The following EIF4E variants were observed in gnomAD, a reference collection of about 807,000 sequenced individuals.
The protein encoded by EIF4E is eukaryotic translation initiation factor 4E, also known as eIF-4F 25 kDa subunit.
For synonymous variants in EIF4E, 71 were observed against 88.5 expected, an observed-to-expected ratio of 0.80 and a Z score of 1.11; for missense variants, 113 against 265.6, an observed-to-expected ratio of 0.43 and a Z score of 3.99.
rs771410305 is a variant in EIF4E, at chr4:98,929,084, G to A, written c.18+11C>T. 12 of 1,583,744 alleles carry A rather than the reference G, an allele frequency of 7.6e-6. No homozygotes were observed. The highest frequency in any genetic ancestry group is 9.4e-6 in the Non-Finnish European group (11 of 1,164,690). ...GGACCCGTGGGGGTGGGGGCCAAAG[G>A]CAATACTCACCGGTTCGACAGTCGC... On this transcript the variant is annotated intron_variant, in intron 1 of 6. Coordinates refer to ENST00000450253, the MANE Select transcript of EIF4E (RefSeq NM_001968.5).
At chr4:98,911,802 A>C (rs1361657332) in intron 1 of EIF4E, among the ~76,000 whole-genome samples, 1 of 151,508 alleles carries the variant, frequency 6.6e-6, no homozygotes, top group African/African-American at 2.4e-5. Context: ...ATATAGCTTA[A>C]GCCAACATCA....
intron 1 of EIF4E, among the ~76,000 whole-genome samples, chr4:98,904,088 G>C (rs1287018160): frequency 6.6e-6 from 1 of 152,022 alleles, no homozygotes; most frequent in Non-Finnish European, 1.5e-5. Flanking sequence ...TCCTAAACTG[G>C]CACTTTCAGA....
intron 1 of EIF4E, among the ~76,000 whole-genome samples, chr4:98,906,249 C>T (rs1487821429): frequency 6.6e-6 from 1 of 152,098 alleles, no homozygotes; most frequent in Admixed American, 6.6e-5. Flanking sequence ...CACCCAACAC[C>T]TTATTTGAAG....
At chr4:98,904,382 A>C (rs539468680) in intron 1 of EIF4E, among the ~76,000 whole-genome samples, 2 of 152,358 alleles carry the variant, frequency 1.3e-5, no homozygotes, top group South Asian at 4.1e-4. Flanking sequence ...ATCACTCAGG[A>C]AAAACATATT....
At chr4:98,908,379 T>C (rs1724969969) in intron 1 of EIF4E, among the ~76,000 whole-genome samples, 1 of 152,212 alleles carries the variant, frequency 6.6e-6, no homozygotes, top group African/African-American at 2.4e-5. Context: ...AACAACATGA[T>C]TGGTGACTCA....
chr4:98,881,124 C>T lies in EIF4E; in HGVS notation c.558G>A (p.Arg186=), dbSNP rs144779880. ...TCACTATCTTTGGAGGAAGTCCTAACCTTTCCTTGTATACCCTCCTAGAAG... is the reference window on the plus strand; with the variant it reads ...TCACTATCTTTGGAGGAAGTCCTAATCTTTCCTTGTATACCCTCCTAGAAG... The part of the protein sequence containing the change: ...VTHIGRVYKE[R]LGLPPKIVIG... Residue 186 remains arginine (R), a synonymous_variant, in exon 7 of 7, where the codon AGG becomes AGA. Transcript: ENST00000450253. 200 of 1,612,084 alleles carry T rather than the reference C, an allele frequency of 1.2e-4. No homozygotes were observed. The African/African-American group carries it at 2.6e-3, about 21-fold the overall frequency.
intron 2 of EIF4E, among the ~76,000 whole-genome samples, chr4:98,900,493 A>G (rs1724601026): frequency 6.6e-6 from 1 of 152,178 alleles, no homozygotes; most frequent in African/African-American, 2.4e-5. Context: ...AAATTTTAAT[A>G]AATGAAACAA....
intron 2 of EIF4E, among the ~76,000 whole-genome samples, chr4:98,894,522 T>A (rs1724283779): frequency 6.6e-6 from 1 of 152,238 alleles, no homozygotes; most frequent in Non-Finnish European, 1.5e-5. Flanking sequence ...TCCTTATACC[T>A]TATAACTGAC....
chr4:98,912,253 GAA>G (rs1033820669), intron 1 of EIF4E, among the ~76,000 whole-genome samples: 1 of 128,764 alleles, frequency 7.8e-6, no homozygotes. Context: ...ACTCCGTCTC[GAA>G]AAAAAAAAAG....
intron 1 of EIF4E, among the ~76,000 whole-genome samples, chr4:98,926,891 T>C (rs181952234): frequency 5.7e-4 from 87 of 152,374 alleles, no homozygotes; most frequent in Non-Finnish European, 9.3e-4. Context: ...AGTTCCGCTC[T>C]GTGCTGCTGA....
chr4:98,894,520 C>A (rs1436845757), intron 2 of EIF4E, among the ~76,000 whole-genome samples: 2 of 152,182 alleles, frequency 1.3e-5, no homozygotes, highest in Admixed American at 6.5e-5. Flanking sequence ...TTTCCTTATA[C>A]CTTATAACTG....
At chr4:98,891,716 G>T (rs1364027677) in intron 2 of EIF4E, 2 of 185,158 alleles carry the variant, frequency 1.1e-5, no homozygotes, top group African/African-American at 2.4e-5. Context: ...AAGAGTTCTG[G>T]AGATTAGTTG....
At chr4:98,886,515 A>T (rs1247718020) in intron 5 of EIF4E, 1 of 436,374 alleles carries the variant, frequency 2.3e-6, no homozygotes, top group East Asian at 7.2e-5. Context: ...GAAGTTTGAG[A>T]CCAACCTGGG....
chr4:98,899,918 A>G (rs1386506447), intron 2 of EIF4E, among the ~76,000 whole-genome samples: 1 of 152,054 alleles, frequency 6.6e-6, no homozygotes, highest in Non-Finnish European at 1.5e-5. Flanking sequence ...TCCAAATGAT[A>G]CTTGCTATTT....
chr4:98,880,788 G>A lies in EIF4E; in HGVS notation c.*240C>T, dbSNP rs1457869967. ...GGCCAGGAACACATTTATGGATTCT[G>A]GGGATGTGTACTGTAATTCTTTGAT... On this transcript the variant is annotated 3_prime_UTR_variant, in exon 7 of 7. Coordinates refer to ENST00000450253, the MANE Select transcript of EIF4E (RefSeq NM_001968.5). 5.8e-6 allele frequency: 3 copies of A among 520,596 alleles called. No homozygotes were observed. In the African/African-American group the frequency reaches 5.9e-5, roughly 10 times the overall value. The allele number at this position is 520,596 out of a possible 1,614,324, so 32.2% of individuals were successfully genotyped here. A position where few individuals can be genotyped will look rare whatever the true frequency, so the allele number is the denominator to read the frequency against.
intron 1 of EIF4E, among the ~76,000 whole-genome samples, chr4:98,912,665 G>A (rs561336429): frequency 3.3e-5 from 5 of 151,956 alleles, no homozygotes; most frequent in Non-Finnish European, 5.9e-5. Flanking sequence ...CACTAAAATG[G>A]CATTACAACC....
chr4:98,881,903 A>T (rs1579144633), intron 6 of EIF4E, among the ~76,000 whole-genome samples: 1 of 152,254 alleles, frequency 6.6e-6, no homozygotes, highest in Non-Finnish European at 1.5e-5. Context: ...TTCTAATCTC[A>T]TCTACAACAT....
chr4:98,885,402 C>T (rs1156941705), intron 5 of EIF4E, among the ~76,000 whole-genome samples: 1 of 151,992 alleles, frequency 6.6e-6, no homozygotes, highest in Non-Finnish European at 1.5e-5. Context: ...TGGTTAATCT[C>T]CTCTTGTTCT....
intron 1 of EIF4E, among the ~76,000 whole-genome samples, chr4:98,920,184 T>C (rs1725582930): frequency 2.6e-5 from 4 of 152,246 alleles, no homozygotes; most frequent in Admixed American, 2.6e-4. Context: ...GAACTTAGCC[T>C]GTGCCAGATA....
Sources: gnomAD v4.1 joint callset for allele counts (sites outside exome capture counted in the v4.1 genomes callset) on GRCh38, gnomAD v4.1.1 for gene constraint, MANE v1.5 for transcripts, NCBI Gene and HGNC (gene_info 2026-07-23, HGNC 2026-07-21) for gene names.